Variants in CYRIB observed in about 807,000 individuals in gnomAD.
CYRIB encodes the protein CYFIP related Rac1 interactor B.
In CYRIB, 8 loss-of-function variants were observed where a neutral mutation model predicts 44.2. The observed-to-expected ratio is 0.18, with a 90% CI of 0.11 to 0.33. The LOEUF is 0.33. Ranked by LOEUF, CYRIB falls within the 10% of genes least tolerant of loss-of-function variation. The pLI is 1.00. For synonymous variants in CYRIB, 131 were observed against 127.2 expected (o/e 1.03, Z -0.20); for missense variants, 185 against 382.8 (o/e 0.48, Z 4.31).
chr8:129,997,037 T>TGAAG (rs1195038257), intron 1 of CYRIB, among the ~76,000 whole-genome samples: 4 of 119,796 alleles, frequency 3.3e-5, no homozygotes, highest in Non-Finnish European at 6.5e-5. Flanking sequence ...TATGCCTTTG[T>TGAAG]GAAGGAAGGA....
chr8:129,990,084 C>T (rs1224090606), intron 1 of CYRIB, among the ~76,000 whole-genome samples: 1 of 152,138 alleles, frequency 6.6e-6, no homozygotes, highest in Non-Finnish European at 1.5e-5. Context: ...AACTTGTCCT[C>T]AGTTTTAGAG....
At chr8:129,894,176 C>G (rs2066766446) in intron 2 of CYRIB, among the ~76,000 whole-genome samples, 1 of 152,128 alleles carries the variant, frequency 6.6e-6, no homozygotes. Context: ...GTACAAGAGT[C>G]CTATAGGACA....
At chr8:129,913,147 A>G (rs2078925555) in intron 1 of CYRIB, among the ~76,000 whole-genome samples, 1 of 151,518 alleles carries the variant, frequency 6.6e-6, no homozygotes, top group African/African-American at 2.4e-5. Flanking sequence ...AATTTTTTGT[A>G]TTTTTAGTAG....
chr8:129,990,528 A>G (rs923085841), intron 1 of CYRIB, among the ~76,000 whole-genome samples: 2 of 149,148 alleles, frequency 1.3e-5, no homozygotes, highest in African/African-American at 5.0e-5. Flanking sequence ...GTGTGTATAT[A>G]TTTTTTTTCT....
chr8:129,936,581 A>G (rs2092825989), intron 1 of CYRIB, among the ~76,000 whole-genome samples: 1 of 152,234 alleles, frequency 6.6e-6, no homozygotes, highest in Non-Finnish European at 1.5e-5. Flanking sequence ...GACAAGATAC[A>G]TATATCAAGT....
upstream of CYRIB, among the ~76,000 whole-genome samples, chr8:129,943,070 C>T (rs1366972525): frequency 6.8e-6 from 1 of 146,174 alleles, no homozygotes; most frequent in Admixed American, 6.8e-5. Flanking sequence ...AATCAACACA[C>T]ATTTTTGCAC....
intron 3 of CYRIB, among the ~76,000 whole-genome samples, chr8:129,877,555 G>A (rs532002872): frequency 6.6e-6 from 1 of 151,932 alleles, no homozygotes; most frequent in East Asian, 1.9e-4. Flanking sequence ...AGGCTGAGGT[G>A]GGAGGATCCC....
intron 2 of CYRIB, among the ~76,000 whole-genome samples, chr8:129,965,879 C>T (rs2095460710): frequency 6.6e-6 from 1 of 151,800 alleles, no homozygotes; most frequent in Admixed American, 6.6e-5. Context: ...GAGGCAGAGT[C>T]TTGCTCTTGT....
chr8:129,908,886 T>C (rs779452087), intron 1 of CYRIB, among the ~76,000 whole-genome samples: 4 of 152,232 alleles, frequency 2.6e-5, no homozygotes, highest in Admixed American at 2.0e-4. Flanking sequence ...TAAATCTTAA[T>C]ACTGCGCAAA....
intron 2 of CYRIB, among the ~76,000 whole-genome samples, chr8:129,958,955 C>T (rs1654617457): frequency 1.3e-5 from 2 of 149,982 alleles, no homozygotes; most frequent in South Asian, 2.1e-4. Context: ...ATCCCAGCTA[C>T]TCGGGAGGCT....
intron 1 of CYRIB, among the ~76,000 whole-genome samples, chr8:129,930,379 ATTT>A (rs1554660172): frequency 1.2e-4 from 15 of 130,084 alleles, no homozygotes; most frequent in South Asian, 2.4e-4. Context: ...ATATATATAT[ATTT>A]TAATTATTTA....
At chr8:129,973,555 C>T (rs1369186452) in intron 1 of CYRIB, among the ~76,000 whole-genome samples, 2 of 152,224 alleles carry the variant, frequency 1.3e-5, no homozygotes, top group African/African-American at 2.4e-5. Context: ...ATGCTGAAGT[C>T]GGCTCCAGAG....
At chr8:129,854,223 T>G in intron 7 of CYRIB, 43 bp downstream of exon 9, 1 of 1,374,184 alleles carries the variant, frequency 7.3e-7, no homozygotes, top group South Asian at 1.2e-5. Flanking sequence ...GGCTGAGCAC[T>G]AAGTTACTCT....
At chr8:129,882,160 A>G (rs1198572862) in intron 2 of CYRIB, among the ~76,000 whole-genome samples, 1 of 152,226 alleles carries the variant, frequency 6.6e-6, no homozygotes, top group South Asian at 2.1e-4. Context: ...AGAAAGGACT[A>G]TAATTATTTT....
chr8:129,869,975 G>T lies in CYRIB; in HGVS notation c.195+1400C>A, dbSNP rs200897835. 9.9e-5 allele frequency among the ~76,000 whole-genome samples: 15 copies of T among 152,064 alleles called. No individual in the cohort carries two copies. The East Asian group carries it at 2.7e-3, about 27-fold the overall frequency. On this transcript the variant is annotated intron_variant, in intron 4 of 11. Coordinates refer to ENST00000519824, the Ensembl canonical transcript of CYRIB. ...TAAGAGGAAGTAGGAGATTATGGGG[G>T]GGTGGGGGGAGGGGGGGCGTTGAAG...
chr8:129,982,158 A>G (rs1591698256), intron 1 of CYRIB, among the ~76,000 whole-genome samples: 1 of 152,316 alleles, frequency 6.6e-6, no homozygotes, highest in East Asian at 1.9e-4. Context: ...CGACATTAAC[A>G]GGATCAGACA....
chr8:129,966,072 G>C (rs893254740), intron 2 of CYRIB, among the ~76,000 whole-genome samples: 14 of 152,086 alleles, frequency 9.2e-5, no homozygotes, highest in African/African-American at 3.4e-4. Flanking sequence ...TGGTCAGGCT[G>C]GTCTCAAACT....
intron 1 of CYRIB, among the ~76,000 whole-genome samples, chr8:129,978,970 C>T (rs149963965): frequency 6.6e-6 from 1 of 151,954 alleles, no homozygotes; most frequent in East Asian, 1.9e-4. Context: ...ACCTCCATCT[C>T]GTACTAAAAA....
rs994697259 is a variant in CYRIB, at chr8:129,991,971, A to AAAAAAAAAAAAGAGAGAG, written c.-295-20977_-295-20976insCTCTCTCTTTTTTTTTTT. On this transcript the variant is annotated intron_variant, in intron 1 of 14. Transcript: ENST00000401979. ...AAAAAAAAAAAAAAAAAAAAAAAAA[A>AAAAAAAAAAAAGAGAGAG]ACAATAGGAAGCTATTAAGGGTTTT... Among the ~76,000 whole-genome samples the AAAAAAAAAAAAGAGAGAG allele has an allele frequency of 4.9e-4, 66 of 134,688 alleles. 3 individuals are homozygous for AAAAAAAAAAAAGAGAGAG. The highest frequency in any genetic ancestry group is 8.2e-4 in the Non-Finnish European group (50 of 61,336). 88.4% of individuals were successfully genotyped at this position (134,688 alleles called of 152,430 possible). A position where few individuals can be genotyped will look rare whatever the true frequency, so the allele number is the denominator to read the frequency against.
Sources: gnomAD v4.1 joint callset for allele counts (sites outside exome capture counted in the v4.1 genomes callset) on GRCh38, gnomAD v4.1.1 for gene constraint, MANE v1.5 for transcripts, NCBI Gene and HGNC (gene_info 2026-07-23, HGNC 2026-07-21) for gene names.